Variants in RTF2 observed in about 807,000 individuals in gnomAD.
The protein encoded by RTF2 is UPF0549 protein C20orf43.
In RTF2, 18 loss-of-function variants were observed where a neutral mutation model predicts 38.0. The observed-to-expected ratio is 0.47, with a 90% CI of 0.33 to 0.70. RTF2 has a LOEUF of 0.70. Among genes scored for constraint, RTF2 ranks in the 30% least tolerant of loss-of-function variants. The probability of loss-of-function intolerance (pLI) is 0.02; values close to 1 mark genes in which losing one functional copy is unlikely to be tolerated. For missense variants in RTF2, 311 were observed against 379.6 expected (o/e 0.82, Z 1.50); for synonymous variants, 126 against 137.1 (o/e 0.92, Z 0.57).
At chr20:56,470,695 C>T in intron 1 of RTF2, 1 of 455,928 alleles carries the variant, frequency 2.2e-6, no homozygotes, top group Non-Finnish European at 4.4e-6. Context: ...CACCCCCATC[C>T]TTCAGGGAGG....
chr20:56,493,377 G>T (rs1202027659), intron 5 of RTF2, among the ~76,000 whole-genome samples: 4 of 152,040 alleles, frequency 2.6e-5, no homozygotes, highest in African/African-American at 7.3e-5. Context: ...ATAAGTATGG[G>T]CCAGATGCAG....
intron 5 of RTF2, among the ~76,000 whole-genome samples, chr20:56,499,136 A>G (rs922654465): frequency 6.6e-6 from 1 of 152,098 alleles, no homozygotes; most frequent in African/African-American, 2.4e-5. Flanking sequence ...TTTCTGCCCC[A>G]AACATGGAAC....
At chr20:56,474,107 T>C (rs901358641) in intron 2 of RTF2, among the ~76,000 whole-genome samples, 1 of 152,214 alleles carries the variant, frequency 6.6e-6, no homozygotes, top group East Asian at 1.9e-4. Flanking sequence ...TACGTACTTA[T>C]ACGTTAAATT....
chr20:56,509,598 C>T (rs1045424592), intron 5 of RTF2, among the ~76,000 whole-genome samples: 7 of 139,186 alleles, frequency 5.0e-5, no homozygotes, highest in Admixed American at 1.5e-4. Context: ...GGCGACAAAG[C>T]GAGATCCCAT....
At chr20:56,513,233 T>C in intron 5 of RTF2, 82 bp from the exon 6 acceptor site, 1 of 1,525,760 alleles carries the variant, frequency 6.6e-7, no homozygotes. Context: ...GGCCACTGCT[T>C]GGGGCTGAGA....
chr20:56,514,484 G>T (rs371297215), intron 6 of RTF2, among the ~76,000 whole-genome samples: 2 of 152,044 alleles, frequency 1.3e-5, no homozygotes, highest in African/African-American at 2.4e-5. Flanking sequence ...GAAACAAATC[G>T]CCTGCCCTCG....
At chr20:56,518,051 C>A in intron 8 of RTF2, 36 bp from the exon 9 acceptor site, 1 of 1,583,758 alleles carries the variant, frequency 6.3e-7, no homozygotes, top group South Asian at 1.2e-5. Context: ...TCATCTTTAT[C>A]CCAACCCTGA....
chr20:56,510,224 A>G (rs937988517), intron 5 of RTF2, among the ~76,000 whole-genome samples: 4 of 152,220 alleles, frequency 2.6e-5, no homozygotes, highest in East Asian at 1.9e-4. Flanking sequence ...ATACTTCATT[A>G]TGTTATGTAA....
chr20:56,492,056 G>A (rs116923434), intron 5 of RTF2, among the ~76,000 whole-genome samples: 1,782 of 152,168 alleles, frequency 0.012, 14 homozygotes, highest in Non-Finnish European at 0.018. Context: ...AACTCACCAC[G>A]CGCACACGAG....
chr20:56,506,228 C>T (rs1210295414), intron 5 of RTF2, among the ~76,000 whole-genome samples: 1 of 152,196 alleles, frequency 6.6e-6, no homozygotes, highest in Non-Finnish European at 1.5e-5. Context: ...AAAATGCTTC[C>T]TGCTTGGGGC....
intron 1 of RTF2, among the ~76,000 whole-genome samples, chr20:56,471,989 T>C (rs1351134073): frequency 4.0e-5 from 6 of 151,626 alleles, no homozygotes; most frequent in South Asian, 4.1e-4. Context: ...CTTTGGGAGA[T>C]CGAGGCAGGA....
intron 5 of RTF2, among the ~76,000 whole-genome samples, chr20:56,506,861 C>T (rs1181556048): frequency 2.0e-5 from 3 of 152,080 alleles, no homozygotes; most frequent in East Asian, 1.9e-4. Context: ...CCACCATGCC[C>T]GACTAATTTT....
Position 56,468,650 on chromosome 20 carries a change from A to G in RTF2, c.-48A>G. On this transcript the variant is annotated 5_prime_UTR_variant, in exon 1 of 9. Coordinates refer to ENST00000357348, the MANE Select transcript of RTF2 (RefSeq NM_016407.5). ...CTGCGGATTTCGCCGGAAATCCCGG[A>G]AGTGACAGCTTTGGGGGTTTGCTGC... 1 of 1,519,176 alleles carries G rather than the reference A, an allele frequency of 6.6e-7. No homozygotes were observed. Among genetic ancestry groups the G allele is most frequent in the South Asian group, 1.2e-5 (1 of 83,408 alleles). The allele number at this position is 1,519,176 out of a possible 1,614,324, so 94.1% of individuals were successfully genotyped here. A position where few individuals can be genotyped will look rare whatever the true frequency, so the allele number is the denominator to read the frequency against.
chr20:56,479,808 T>G (rs1455553707), intron 4 of RTF2, among the ~76,000 whole-genome samples: 4 of 148,816 alleles, frequency 2.7e-5, no homozygotes, highest in Non-Finnish European at 5.9e-5. Context: ...GGTGATATTT[T>G]GAAAGGAATC....
chr20:56,484,724 G>T (rs966645921), intron 5 of RTF2, among the ~76,000 whole-genome samples: 1 of 152,252 alleles, frequency 6.6e-6, no homozygotes, highest in Admixed American at 6.5e-5. Flanking sequence ...CGAGTAACTA[G>T]ACATGAGAGC....
intron 5 of RTF2, among the ~76,000 whole-genome samples, chr20:56,486,990 G>T (rs1982831279): frequency 6.6e-6 from 1 of 152,196 alleles, no homozygotes; most frequent in Admixed American, 6.5e-5. Context: ...ACCTTCGAAT[G>T]CCAGAAGGAG....
At chr20:56,516,363 A>C (rs1189755392) in intron 6 of RTF2, 1 of 152,608 alleles carries the variant, frequency 6.6e-6, no homozygotes, top group Non-Finnish European at 1.5e-5. Context: ...AACTATTATG[A>C]GTAGCAGAAT....
intron 1 of RTF2, among the ~76,000 whole-genome samples, chr20:56,469,319 T>C (rs918875977): frequency 6.6e-6 from 1 of 152,208 alleles, no homozygotes; most frequent in Non-Finnish European, 1.5e-5. Flanking sequence ...GGCTGTACCC[T>C]TTTTTTCTCT....
chr20:56,491,567 A>G lies in RTF2; in HGVS notation c.477+7378A>G, dbSNP rs141674963. 1.8e-3 allele frequency: 2,796 copies of G among 1,544,668 alleles called. 4 individuals are homozygous for G. Among genetic ancestry groups the G allele is most frequent in the Non-Finnish European group, 2.1e-3 (2,389 of 1,140,518 alleles). ...GAAAGCAAACACTCCCTAGCGGTTC[A>G]GTCTCATATTGAAATGACTCTGCTG... On this transcript the variant is annotated intron_variant, in intron 5 of 8. Coordinates refer to ENST00000357348, the MANE Select transcript of RTF2 (RefSeq NM_016407.5).
Sources: gnomAD v4.1 joint callset for allele counts (sites outside exome capture counted in the v4.1 genomes callset) on GRCh38, gnomAD v4.1.1 for gene constraint, MANE v1.5 for transcripts, NCBI Gene and HGNC (gene_info 2026-07-23, HGNC 2026-07-21) for gene names.